The following PARD3B variants were observed in gnomAD, a reference collection of about 807,000 sequenced individuals.
PARD3B encodes the protein partitioning defective 3 homolog B.
Under a neutral mutation model 130.2 loss-of-function variants are expected in PARD3B, and 103 were observed. That is an observed-to-expected ratio of 0.79 (90% CI 0.67 to 0.93). PARD3B has a LOEUF of 0.93. Ranked by LOEUF, PARD3B falls within the 40% of genes least tolerant of loss-of-function variation. PARD3B has a pLI of 0.00. For missense variants in PARD3B, 1,609 were observed against 1,499.2 expected (o/e 1.07, Z -1.21); for synonymous variants, 583 against 553.2 (o/e 1.05, Z -0.76).
intron 2 of PARD3B, among the ~76,000 whole-genome samples, chr2:204,875,691 T>A (rs1406590914): frequency 1.3e-5 from 2 of 152,220 alleles, no homozygotes; most frequent in African/African-American, 4.8e-5. Flanking sequence ...GAAGTTTTTG[T>A]TCTCAGAGCA....
At position 205,440,248 on chromosome 2, in the gene PARD3B, G is replaced by C. The variant is rs1385624142; in HGVS notation, c.2742-122G>C. ...TGGCATTTCTGCATGCTGTGATCTT[G>C]AGTAAACAGGAGAATGACAGCTAAG... On this transcript the variant is annotated intron_variant, in intron 19 of 22. Transcript: ENST00000406610. This position sits in a 1 kb window ranked among gnomAD's most constrained non-coding sequence, Gnocchi z 4.2. 2.0e-5 allele frequency: 19 copies of C among 948,814 alleles called. No individual in the cohort carries two copies. Among genetic ancestry groups the C allele is most frequent in the Non-Finnish European group, 3.0e-5 (19 of 636,116 alleles). 58.8% of individuals were successfully genotyped at this position (948,814 alleles called of 1,614,324 possible). A position where few individuals can be genotyped will look rare whatever the true frequency, so the allele number is the denominator to read the frequency against.
At chr2:205,098,378 C>A (rs1320400065) in intron 4 of PARD3B, among the ~76,000 whole-genome samples, 1 of 152,066 alleles carries the variant, frequency 6.6e-6, no homozygotes, top group Non-Finnish European at 1.5e-5. Flanking sequence ...AAAATCATGG[C>A]CATATATGAT....
At chr2:205,047,182 C>A (rs1698849471) in intron 3 of PARD3B, among the ~76,000 whole-genome samples, 1 of 152,186 alleles carries the variant, frequency 6.6e-6, no homozygotes, top group South Asian at 2.1e-4. Context: ...AATAACTATA[C>A]TTCCAGCTCT....
Position 205,435,723 on chromosome 2 carries a change from C to G in PARD3B, c.2742-4647C>G, listed in dbSNP as rs536646430. Among the ~76,000 whole-genome samples the G allele has an allele frequency of 9.9e-5, 15 of 152,144 alleles. No homozygotes were observed. The South Asian group carries it at 1.7e-3, about 17-fold the overall frequency. On this transcript the variant is annotated intron_variant, in intron 19 of 22. Transcript: ENST00000406610. Reference sequence around the variant, plus strand: ...AGGGTGAAAATAAAGATAGGGTACTCTCTCCCAAATTACTTCCTTATTAAC... The same window carrying G: ...AGGGTGAAAATAAAGATAGGGTACTGTCTCCCAAATTACTTCCTTATTAAC...
At chr2:204,991,845 T>A (rs1029315375) in intron 3 of PARD3B, among the ~76,000 whole-genome samples, 9 of 151,648 alleles carry the variant, frequency 5.9e-5, no homozygotes, top group Non-Finnish European at 1.3e-4. Context: ...GAGCATTTTT[T>A]CATGCGTTTT....
chr2:204,666,784 A>C (rs1168499392), intron 1 of PARD3B, among the ~76,000 whole-genome samples: 1 of 152,148 alleles, frequency 6.6e-6, no homozygotes, highest in African/African-American at 2.4e-5. Flanking sequence ...TTAGGCATCT[A>C]TGTTGAGATG....
intron 2 of PARD3B, among the ~76,000 whole-genome samples, chr2:204,875,042 CAT>C (rs2045782491): frequency 6.6e-6 from 1 of 152,172 alleles, no homozygotes; most frequent in Non-Finnish European, 1.5e-5. Context: ...CCTTATCATT[CAT>C]GATTTGATCT....
chr2:204,955,458 A>T (rs1690153078), intron 2 of PARD3B, among the ~76,000 whole-genome samples: 1 of 152,356 alleles, frequency 6.6e-6, no homozygotes, highest in Non-Finnish European at 1.5e-5. Context: ...AACAGGATGG[A>T]AAAGTCAGGA....
At chr2:204,965,464 C>A in intron 3 of PARD3B, 141 bp downstream of exon 3, 1 of 946,044 alleles carries the variant, frequency 1.1e-6, no homozygotes, top group Non-Finnish European at 1.5e-6. Context: ...TATTTTTTTA[C>A]ATAGCTCTTT....
At chr2:205,359,430 C>T (rs181993078) in intron 18 of PARD3B, among the ~76,000 whole-genome samples, 1 of 152,186 alleles carries the variant, frequency 6.6e-6, no homozygotes, top group African/African-American at 2.4e-5. Context: ...ATAAGCTTTC[C>T]TTTTTGTTTC....
chr2:204,783,042 A>G (rs1158160823), intron 2 of PARD3B, among the ~76,000 whole-genome samples: 2 of 152,094 alleles, frequency 1.3e-5, no homozygotes, highest in Non-Finnish European at 2.9e-5. Flanking sequence ...TTTGAATTCA[A>G]CAGGAAGTTA....
intron 2 of PARD3B, among the ~76,000 whole-genome samples, chr2:204,928,500 C>A (rs1405165554): frequency 6.6e-6 from 1 of 152,038 alleles, no homozygotes; most frequent in South Asian, 2.1e-4. Flanking sequence ...GACATATAAA[C>A]GTGTATGCCT....
chr2:204,679,947 A>G (rs573041676), intron 1 of PARD3B, among the ~76,000 whole-genome samples: 1 of 152,146 alleles, frequency 6.6e-6, no homozygotes, highest in South Asian at 2.1e-4. Context: ...TTGATTTACA[A>G]ATGTTTAAGA....
rs1169935562 is a variant in PARD3B, at chr2:205,021,621, CCTCTCTCTTTCT to C, written c.395-25951_395-25940del. On this transcript the variant is annotated intron_variant, in intron 3 of 22. Transcript: ENST00000406610. This position sits in a 1 kb window ranked among gnomAD's most constrained non-coding sequence, Gnocchi z 4.5. The stretch of plus-strand genomic sequence containing the variant: ...CTCTCTCTCTCTCTCTCTCTCTCTC[CCTCTCTCTTTCT>C]CTCTCTCTCTCTCTCTCTATATATA... Among the ~76,000 whole-genome samples, 2 of 127,964 alleles carry C rather than the reference CCTCTCTCTTTCT, an allele frequency of 1.6e-5. No individual in the cohort carries two copies. The highest frequency in any genetic ancestry group is 3.3e-5 in the Non-Finnish European group (2 of 60,398). The allele number at this position is 127,964 out of a possible 152,430, so 83.9% of individuals were successfully genotyped here.
chr2:205,417,244 G>A (rs925554229), intron 19 of PARD3B, among the ~76,000 whole-genome samples: 1 of 151,912 alleles, frequency 6.6e-6, no homozygotes, highest in Non-Finnish European at 1.5e-5. Flanking sequence ...CCATGTCCCT[G>A]TAAAGGACAT....
At chr2:205,546,614 C>T (rs2052391427) in intron 21 of PARD3B, among the ~76,000 whole-genome samples, 1 of 152,102 alleles carries the variant, frequency 6.6e-6, no homozygotes, top group South Asian at 2.1e-4. Flanking sequence ...TTCTCTCCCT[C>T]ACTCCCTCTT....
intron 21 of PARD3B, among the ~76,000 whole-genome samples, chr2:205,545,752 G>A (rs907859608): frequency 2.0e-5 from 3 of 152,052 alleles, no homozygotes; most frequent in Non-Finnish European, 2.9e-5. Flanking sequence ...AATTGTTTCC[G>A]CTTTTCATCA....
intron 1 of PARD3B, among the ~76,000 whole-genome samples, chr2:204,638,670 A>G (rs894493398): frequency 6.6e-6 from 1 of 152,164 alleles, no homozygotes; most frequent in African/African-American, 2.4e-5. Context: ...ATCTGTAAGC[A>G]TGCCAAGATT....
In PARD3B at chr2:205,026,449, T is replaced by C. The variant is rs182928850; in HGVS notation, c.395-21132T>C. ...ATACATGTACAGGGTGATGATTTGA[T>C]CTGTGCATGCATTGTGTACTTATTA... On this transcript the variant is annotated intron_variant, in intron 3 of 22. Coordinates refer to ENST00000406610, the MANE Select transcript of PARD3B (RefSeq NM_001302769.2). 3.0e-3 allele frequency among the ~76,000 whole-genome samples: 456 copies of C among 152,302 alleles called. 6 individuals carry two copies. Among genetic ancestry groups the C allele is most frequent in the African/African-American group, 0.01 (434 of 41,568 alleles).
Sources: allele counts gnomAD v4.1 joint callset (sites outside exome capture counted in the v4.1 genomes callset), GRCh38; gene constraint gnomAD v4.1.1; non-coding constraint Gnocchi (gnomAD v3.1); transcripts MANE v1.5; gene names NCBI Gene and HGNC (gene_info 2026-07-23, HGNC 2026-07-21).